Variants in PRKCA observed in about 807,000 individuals in gnomAD.
PRKCA encodes protein kinase C alpha.
A neutral mutation model predicts 87.0 loss-of-function variants in PRKCA; 27 were observed. The ratio of observed to expected loss-of-function variants is 0.31; its 90% confidence interval spans 0.23 to 0.43. The LOEUF (loss-of-function observed/expected upper bound fraction) is 0.43. Ranked by LOEUF, PRKCA falls within the 20% of genes least tolerant of loss-of-function variation. PRKCA has a pLI of 1.00. For synonymous variants in PRKCA, 329 were observed against 311.1 expected (o/e 1.06, Z -0.61); for missense variants, 518 against 852.3 (o/e 0.61, Z 4.88).
chr17:66,726,264 A>C (rs1010483437), intron 8 of PRKCA, among the ~76,000 whole-genome samples: 1 of 152,064 alleles, frequency 6.6e-6, no homozygotes, highest in Non-Finnish European at 1.5e-5. Context: ...GCAGGACAGA[A>C]AGCTCAGGTG....
chr17:66,510,006 G>A (rs951868313), intron 3 of PRKCA, among the ~76,000 whole-genome samples: 1 of 152,132 alleles, frequency 6.6e-6, no homozygotes, highest in African/African-American at 2.4e-5. Flanking sequence ...TTGTTGTCGT[G>A]GTGGTTCTGT....
intron 14 of PRKCA, among the ~76,000 whole-genome samples, chr17:66,779,149 A>C (rs981649958): frequency 6.6e-6 from 1 of 152,262 alleles, no homozygotes; most frequent in Non-Finnish European, 1.5e-5. Flanking sequence ...ATTGAAAAGT[A>C]AGATTAATGA....
At chr17:66,371,769 A>G (rs1402141589) in intron 2 of PRKCA, among the ~76,000 whole-genome samples, 3 of 152,214 alleles carry the variant, frequency 2.0e-5, no homozygotes, top group Non-Finnish European at 2.9e-5. Context: ...GGTGCCATCG[A>G]ATGACCCAAC....
At chr17:66,438,447 G>A (rs1166074204) in intron 2 of PRKCA, among the ~76,000 whole-genome samples, 1 of 152,076 alleles carries the variant, frequency 6.6e-6, no homozygotes, top group African/African-American at 2.4e-5. Context: ...GCTTTTTCCT[G>A]GCCATAAAAA....
intron 1 of PRKCA, among the ~76,000 whole-genome samples, chr17:66,303,716 C>T (rs1015065719): frequency 2.0e-5 from 3 of 152,136 alleles, no homozygotes; most frequent in Non-Finnish European, 4.4e-5. Context: ...AAAATAGACC[C>T]TGTCGGCCAG....
chr17:66,365,219 C>T (rs80131023), intron 2 of PRKCA, among the ~76,000 whole-genome samples: 2,057 of 152,180 alleles, frequency 0.014, 53 homozygotes, highest in African/African-American at 0.047. Context: ...TGGAAAGTCC[C>T]GAAATTCAGT....
intron 3 of PRKCA, among the ~76,000 whole-genome samples, chr17:66,553,609 AT>A (rs1349365176): frequency 6.6e-6 from 1 of 152,158 alleles, no homozygotes; most frequent in Non-Finnish European, 1.5e-5. Context: ...TAGCTTCCTC[AT>A]TGCTGTTTTT....
intron 2 of PRKCA, among the ~76,000 whole-genome samples, chr17:66,311,178 A>G (rs368777147): frequency 6.6e-6 from 1 of 152,322 alleles, no homozygotes; most frequent in East Asian, 1.9e-4. Context: ...TTCCAAAAAG[A>G]TAGAATGCAT....
chr17:66,341,525 G>C (rs184822492), intron 2 of PRKCA, among the ~76,000 whole-genome samples: 1 of 152,340 alleles, frequency 6.6e-6, no homozygotes, highest in East Asian at 1.9e-4. Flanking sequence ...GTGTATACAT[G>C]TCAAATCTGA....
chr17:66,690,078 G>C (rs779557164), intron 8 of PRKCA, among the ~76,000 whole-genome samples: 1 of 151,524 alleles, frequency 6.6e-6, no homozygotes, highest in Non-Finnish European at 1.5e-5. Flanking sequence ...GGTCTTGGGG[G>C]GATAATAAAC....
intron 2 of PRKCA, among the ~76,000 whole-genome samples, chr17:66,350,393 A>C (rs994132566): frequency 6.6e-6 from 1 of 152,034 alleles, no homozygotes; most frequent in Non-Finnish European, 1.5e-5. Flanking sequence ...ACAGGGAGGG[A>C]TTGATTACAG....
chr17:66,435,312 A>G (rs1404293563), intron 2 of PRKCA, among the ~76,000 whole-genome samples: 3 of 152,184 alleles, frequency 2.0e-5, no homozygotes, highest in Non-Finnish European at 2.9e-5. Flanking sequence ...GCACAGTTTG[A>G]GACTTTTCTT....
Position 66,441,093 on chromosome 17 carries a change from C to T in PRKCA, c.206-55108C>T, listed in dbSNP as rs906341910. 3.5e-5 allele frequency among the ~76,000 whole-genome samples: 5 copies of T among 143,566 alleles called. No homozygotes were observed. In the Admixed American group the frequency reaches 3.8e-4, roughly 11 times the overall value. 94.2% of individuals were successfully genotyped at this position (143,566 alleles called of 152,430 possible). A position where few individuals can be genotyped will look rare whatever the true frequency, so the allele number is the denominator to read the frequency against. On this transcript the variant is annotated intron_variant, in intron 2 of 16. Transcript: ENST00000413366. ...ATGAGAATTCCTTGGACCCGGGAGA[C>T]GGATGTTGCATTGAGCCCAGATCGC... is the stretch of plus-strand genomic sequence containing the variant.
At chr17:66,587,869 ATGTGTGTGTG>A (rs869036727) in intron 3 of PRKCA, among the ~76,000 whole-genome samples, 4 of 79,068 alleles carry the variant, frequency 5.1e-5, no homozygotes, top group East Asian at 4.1e-4. Flanking sequence ...ATACATATGT[ATGTGTGTGTG>A]TGTGTGTGTG....
intron 2 of PRKCA, among the ~76,000 whole-genome samples, chr17:66,429,041 C>T (rs1175430550): frequency 6.6e-6 from 1 of 152,138 alleles, no homozygotes; most frequent in East Asian, 1.9e-4. Context: ...ATAAAGAACA[C>T]CTTTTTTGTC....
chr17:66,424,916 A>AT (rs1598661149), intron 2 of PRKCA, among the ~76,000 whole-genome samples: 1 of 150,724 alleles, frequency 6.6e-6, no homozygotes, highest in Non-Finnish European at 1.5e-5. Context: ...TGCCTGGCTA[A>AT]TTTTTTTTTG....
chr17:66,321,462 T>G lies in PRKCA; in HGVS notation c.205+15335T>G, dbSNP rs181999087. On this transcript the variant is annotated intron_variant, in intron 2 of 16. Transcript: ENST00000413366. Reference sequence around the variant, plus strand: ...TGCCAAGGACAGTTTCCATGTCGCCTTCTTTATTGTTCCTTTGTGCCTGCT... The same window carrying G: ...TGCCAAGGACAGTTTCCATGTCGCCGTCTTTATTGTTCCTTTGTGCCTGCT... Among the ~76,000 whole-genome samples the G allele has an allele frequency of 1.3e-3, 203 of 152,344 alleles. 1 individual carries two copies. The highest frequency in any genetic ancestry group is 4.7e-3 in the African/African-American group (197 of 41,588).
intron 8 of PRKCA, among the ~76,000 whole-genome samples, chr17:66,730,109 T>C (rs546479588): frequency 1.3e-4 from 20 of 152,304 alleles, no homozygotes; most frequent in African/African-American, 4.8e-4. Context: ...GTTATTGTTA[T>C]CGGAGAAAAG....
intron 3 of PRKCA, among the ~76,000 whole-genome samples, chr17:66,576,863 T>C (rs1413450969): frequency 7.7e-6 from 1 of 130,458 alleles, no homozygotes; most frequent in Admixed American, 8.2e-5. Context: ...CCGTGGAAAA[T>C]GGTGATGTAC....
Sources: gnomAD v4.1 joint callset for allele counts (sites outside exome capture counted in the v4.1 genomes callset) on GRCh38, gnomAD v4.1.1 for gene constraint, MANE v1.5 for transcripts, NCBI Gene and HGNC (gene_info 2026-07-23, HGNC 2026-07-21) for gene names.